HIRA: variants seen among roughly 807,000 people sequenced by gnomAD.
HIRA encodes histone cell cycle regulator.
HIRA carries 13 observed loss-of-function variants against 126.6 expected under a neutral mutation model. That is an observed-to-expected ratio of 0.10 (90% CI 0.07 to 0.16). HIRA has a LOEUF of 0.16. Among genes scored for constraint, HIRA ranks in the 10% least tolerant of loss-of-function variants. The pLI is 1.00. For synonymous variants in HIRA, 511 were observed against 520.0 expected (o/e 0.98, Z 0.24); for missense variants, 834 against 1,314.4 (o/e 0.63, Z 5.65).
intron 9 of HIRA, among the ~76,000 whole-genome samples, chr22:19,390,445 A>G (rs1243375053): frequency 6.6e-6 from 1 of 151,600 alleles, no homozygotes; most frequent in African/African-American, 2.4e-5. Flanking sequence ...TTACAAAAAA[A>G]TTAACCGGGT....
At chr22:19,381,285 T>G (rs2146214344) in intron 13 of HIRA, among the ~76,000 whole-genome samples, 1 of 152,382 alleles carries the variant, frequency 6.6e-6, no homozygotes, top group African/African-American at 2.4e-5. Context: ...CAGTTGATTC[T>G]CTTATAAACC....
At chr22:19,406,808 C>G (rs981073382) in intron 4 of HIRA, among the ~76,000 whole-genome samples, 4 of 152,216 alleles carry the variant, frequency 2.6e-5, no homozygotes, top group African/African-American at 9.6e-5. Flanking sequence ...GGCAAAGAGG[C>G]TGGACTCTGG....
At chr22:19,424,917 A>T (rs912389160) in intron 1 of HIRA, among the ~76,000 whole-genome samples, 1 of 152,156 alleles carries the variant, frequency 6.6e-6, no homozygotes, top group Non-Finnish European at 1.5e-5. Flanking sequence ...CTCTCCTGTC[A>T]TCAGTGTCGG....
chr22:19,407,825 T>G (rs1036361920), intron 3 of HIRA, among the ~76,000 whole-genome samples: 1 of 152,180 alleles, frequency 6.6e-6, no homozygotes, highest in African/African-American at 2.4e-5. Flanking sequence ...TCAGCAGAAA[T>G]TCCCCCAGGC....
At chr22:19,423,288 G>C (rs893801761) in intron 1 of HIRA, among the ~76,000 whole-genome samples, 1 of 151,898 alleles carries the variant, frequency 6.6e-6, no homozygotes, top group Non-Finnish European at 1.5e-5. Context: ...TTGTGATTCC[G>C]CTATGTGTCT....
At chr22:19,423,775 G>A (rs2089468147) in intron 1 of HIRA, among the ~76,000 whole-genome samples, 1 of 152,162 alleles carries the variant, frequency 6.6e-6, no homozygotes, top group Non-Finnish European at 1.5e-5. Flanking sequence ...AGCAACAAAT[G>A]TTAATCTAAA....
At chr22:19,338,798 G>A (rs2088594945) in intron 24 of HIRA, among the ~76,000 whole-genome samples, 1 of 152,058 alleles carries the variant, frequency 6.6e-6, no homozygotes, top group South Asian at 2.1e-4. Flanking sequence ...ACCTAGCACG[G>A]GAGCTCCCAA....
intron 24 of HIRA, 138 bp from the exon 25 acceptor site, chr22:19,331,694 T>A (rs1556004684): frequency 2.1e-5 from 17 of 799,370 alleles, no homozygotes; most frequent in Non-Finnish European, 3.2e-5. Context: ...TGAGAAACTG[T>A]GAGAGAGCTG....
chr22:19,407,249 T>C lies in HIRA; in HGVS notation c.237A>G (p.Ser79=). 1.9e-6 allele frequency: 3 copies of C among 1,614,040 alleles called. No individual in the cohort carries two copies. The highest frequency in any genetic ancestry group is 2.5e-6 in the Non-Finnish European group (3 of 1,179,980). ...HLACVNCVRW[S]NSGMYLASGG... is the part of the protein sequence containing the mutation. Reference sequence around the variant, plus strand: ...CAGAAGCTAAATACATCCCACTGTTTGACCACCGCACACAGTTCACACATG... The same window carrying C: ...CAGAAGCTAAATACATCCCACTGTTCGACCACCGCACACAGTTCACACATG... Residue 79 remains serine (S), a synonymous_variant, in exon 4 of 25, where the codon TCA becomes TCG. Transcript: ENST00000263208.
intron 21 of HIRA, 25 bp downstream of exon 21, chr22:19,355,735 T>G: frequency 1.3e-6 from 2 of 1,522,858 alleles, no homozygotes; most frequent in Non-Finnish European, 1.8e-6. Flanking sequence ...TTCCAGGGAA[T>G]AGGACTGGGG....
In HIRA at chr22:19,331,181, C is replaced by A. The variant is rs759157451; in HGVS notation, c.*259G>T. On this transcript the variant is annotated 3_prime_UTR_variant, in exon 25 of 25. Coordinates refer to ENST00000263208, the MANE Select transcript of HIRA (RefSeq NM_003325.4). Reference sequence around the variant, plus strand: ...TGGGACTGCCTTGCTGGCCCCAGGGCACCTGGGCAGAGCTCCAGCCCTAGC... The same window carrying A: ...TGGGACTGCCTTGCTGGCCCCAGGGAACCTGGGCAGAGCTCCAGCCCTAGC... 372 of 1,403,734 alleles carry A rather than the reference C, an allele frequency of 2.7e-4. No individual in the cohort carries two copies. The highest frequency in any genetic ancestry group is 3.4e-4 in the Non-Finnish European group (359 of 1,062,484). 87.0% of individuals were successfully genotyped at this position (1,403,734 alleles called of 1,614,324 possible).
intron 11 of HIRA, among the ~76,000 whole-genome samples, chr22:19,386,030 A>G (rs111788220): frequency 1.2e-4 from 19 of 152,206 alleles, no homozygotes; most frequent in African/African-American, 4.6e-4. Flanking sequence ...AGAACAAATG[A>G]CAATCCACAG....
chr22:19,345,420 C>T (rs570787043), intron 24 of HIRA, among the ~76,000 whole-genome samples: 126 of 152,290 alleles, frequency 8.3e-4, no homozygotes, highest in Admixed American at 1.4e-3. Context: ...TTTCAGGATG[C>T]GATGTATAGC....
rs1556011276 is a variant in HIRA at position 19,352,802 on chromosome 22, G to A, written c.2848+554C>T. ...CGCACCCTGAAGGCTGCACTCAAGTGGGAGGAAAAGTTGGTAAGGCTATTG... is the reference window on the plus strand; with the variant it reads ...CGCACCCTGAAGGCTGCACTCAAGTAGGAGGAAAAGTTGGTAAGGCTATTG... On this transcript the variant is annotated intron_variant, in intron 23 of 24. Transcript: ENST00000263208. 2.0e-5 allele frequency among the ~76,000 whole-genome samples: 3 copies of A among 152,342 alleles called. No homozygotes were observed. In the East Asian group the frequency reaches 5.8e-4, roughly 29 times the overall value.
intron 24 of HIRA, among the ~76,000 whole-genome samples, chr22:19,346,326 A>G (rs1477228126): frequency 2.6e-5 from 4 of 152,244 alleles, no homozygotes; most frequent in African/African-American, 9.6e-5. Context: ...GGTGACAGAG[A>G]GAGACTTCGT....
intron 1 of HIRA, among the ~76,000 whole-genome samples, chr22:19,428,026 CTAT>C (rs1462178384): frequency 2.0e-5 from 3 of 152,042 alleles, no homozygotes; most frequent in East Asian, 1.9e-4. Flanking sequence ...TAAATGATAG[CTAT>C]TATATTTCAA....
At chr22:19,391,880 G>C (rs900447917) in intron 9 of HIRA, among the ~76,000 whole-genome samples, 6 of 152,204 alleles carry the variant, frequency 3.9e-5, no homozygotes, top group African/African-American at 1.4e-4. Flanking sequence ...TGGTCTAGGT[G>C]GGGGTCAAGG....
intron 5 of HIRA, among the ~76,000 whole-genome samples, chr22:19,402,043 T>A (rs1374078052): frequency 6.6e-6 from 1 of 152,140 alleles, no homozygotes; most frequent in African/African-American, 2.4e-5. Flanking sequence ...TCGCACTGGC[T>A]GTCCCCTCAC....
intron 22 of HIRA, 27 bp from the exon 23 acceptor site, chr22:19,353,546 A>G (rs782610499): frequency 3.8e-6 from 6 of 1,573,104 alleles, no homozygotes; most frequent in African/African-American, 1.3e-5. Flanking sequence ...AGTTTCCATG[A>G]TGGGGCAGCA....
Sources: allele counts gnomAD v4.1 joint callset (sites outside exome capture counted in the v4.1 genomes callset), GRCh38; gene constraint gnomAD v4.1.1; transcripts MANE v1.5; gene names NCBI Gene and HGNC (gene_info 2026-07-23, HGNC 2026-07-21).